Variants in BPTF observed in about 807,000 individuals in gnomAD.
The protein encoded by BPTF is nucleosome-remodeling factor subunit BPTF.
Under a neutral mutation model 292.5 loss-of-function variants are expected in BPTF, and 18 were observed. The ratio of observed to expected loss-of-function variants is 0.06; its 90% CI spans 0.04 to 0.09. The LOEUF (loss-of-function observed/expected upper bound fraction) is 0.09, where lower values mean the gene tolerates loss of function less well. Among genes scored for constraint, BPTF ranks in the 10% least tolerant of loss-of-function variants. The pLI, the probability that BPTF is intolerant of heterozygous loss-of-function variation, is 1.00. For synonymous variants in BPTF, 1,225 were observed against 1,251.9 expected (o/e 0.98, Z 0.45); for missense variants, 2,726 against 3,498.7 (o/e 0.78, Z 5.57).
At position 67,893,357 on chromosome 17, in the gene BPTF, T is replaced by C. The variant is rs777328873; in HGVS notation, c.2056-13T>C. 1.8e-5 allele frequency: 27 copies of C among 1,533,604 alleles called. No individual in the cohort carries two copies. In the South Asian group the frequency reaches 2.7e-4, roughly 15 times the overall value. 95.0% of individuals were successfully genotyped at this position (1,533,604 alleles called of 1,614,324 possible). On this transcript the variant is annotated splice_polypyrimidine_tract_variant and intron_variant, in intron 5 of 27. Transcript: ENST00000306378. ...TGACATAAATAATGCAGTCTTTTTA[T>C]TTTTTTGGTCAGGTACTGGTAGTTA...
At chr17:67,904,070 C>A in intron 8 of BPTF, 152 bp downstream of exon 8, 1 of 771,288 alleles carries the variant, frequency 1.3e-6, no homozygotes, top group Non-Finnish European at 1.9e-6. Context: ...GCTCTGTTGC[C>A]CAGATTGGAG....
intron 1 of BPTF, among the ~76,000 whole-genome samples, chr17:67,850,677 G>GT (rs1160341155): frequency 6.6e-6 from 1 of 151,994 alleles, no homozygotes; most frequent in Non-Finnish European, 1.5e-5. Flanking sequence ...CTGTGTTTTT[G>GT]TTTTTAAGAT....
At chr17:67,860,625 G>A (rs983191568) in intron 2 of BPTF, among the ~76,000 whole-genome samples, 14 of 152,158 alleles carry the variant, frequency 9.2e-5, no homozygotes, top group Non-Finnish European at 5.9e-5. Context: ...TCAATCCTTT[G>A]CTCTGAAATT....
chr17:67,934,166 G>C (rs999760356), intron 18 of BPTF, among the ~76,000 whole-genome samples: 1 of 152,134 alleles, frequency 6.6e-6, no homozygotes, highest in Admixed American at 6.5e-5. Flanking sequence ...ATTCTTTATA[G>C]TAAAGCTAGA....
chr17:67,913,181 C>G lies in BPTF; in HGVS notation c.5297C>G (p.Thr1766Ser), dbSNP rs748796958. 6.3e-7 allele frequency: 1 copy of G among 1,592,696 alleles called. No homozygotes were observed. Among genetic ancestry groups the G allele is most frequent in the Non-Finnish European group, 8.5e-7 (1 of 1,172,362 alleles). The change falls in exon 11 of 28, where the codon ACT (threonine) becomes AGT (serine). Residue 1766 changes from threonine to serine, a missense_variant. Thr to Ser is a moderately conservative substitution (Grantham distance 58, BLOSUM62 1). Coordinates refer to ENST00000306378, the MANE Select transcript of BPTF (RefSeq NM_182641.4). ...YPSPRPTFGITWRYRLQTVKS... is the reference protein window; with the variant it reads ...YPSPRPTFGISWRYRLQTVKS... ...TCTCCTAGACCGACCTTTGGCATCA[C>G]TTGGAGGTATGTACTTTAAAATGTA...
chr17:67,853,972 T>C lies in BPTF; in HGVS notation c.646T>C (p.Ser216Pro), dbSNP rs1567904724. The C allele has an allele frequency of 6.2e-7, 1 of 1,613,346 alleles. No individual in the cohort carries two copies. The highest frequency in any genetic ancestry group is 8.5e-7 in the Non-Finnish European group (1 of 1,179,276). Reference protein sequence around the residue: ...RRKPRVHRPRSPILEEKDIPP... With the variant: ...RRKPRVHRPRPPILEEKDIPP... Reference sequence around the variant, plus strand: ...AAAACCAAGAGTACATCGGCCTCGTTCTCCTATATTGGAAGAAAAAGACAT... The same window carrying C: ...AAAACCAAGAGTACATCGGCCTCGTCCTCCTATATTGGAAGAAAAAGACAT... The change falls in exon 2 of 28, where the codon TCT becomes CCT. Residue 216 changes from serine to proline, a missense_variant. Physicochemically the swap from Ser to Pro is moderately conservative, Grantham distance 74. Coordinates refer to ENST00000306378, the MANE Select transcript of BPTF (RefSeq NM_182641.4).
chr17:67,915,215 C>G (rs1017272835), intron 11 of BPTF, among the ~76,000 whole-genome samples: 1 of 152,140 alleles, frequency 6.6e-6, no homozygotes, highest in Non-Finnish European at 1.5e-5. Flanking sequence ...CATCCATTCC[C>G]TTATGCCCAT....
intron 4 of BPTF, among the ~76,000 whole-genome samples, chr17:67,880,509 ATAG>A (rs1475035272): frequency 1.3e-5 from 2 of 152,204 alleles, no homozygotes; most frequent in African/African-American, 4.8e-5. Flanking sequence ...ACAAACTGTA[ATAG>A]GTCATGTTCC....
At chr17:67,896,178 G>A (rs1036779609) in intron 7 of BPTF, among the ~76,000 whole-genome samples, 1 of 152,130 alleles carries the variant, frequency 6.6e-6, no homozygotes, top group African/African-American at 2.4e-5. Flanking sequence ...TAGCCAGGAT[G>A]GTCTCCATCT....
chr17:67,918,366 A>G (rs1421221155), intron 11 of BPTF, among the ~76,000 whole-genome samples: 1 of 152,186 alleles, frequency 6.6e-6, no homozygotes, highest in Non-Finnish European at 1.5e-5. Context: ...GGTCCCCAAA[A>G]TTTTCCTAAC....
Position 67,877,508 on chromosome 17 carries a change from G to A in BPTF, c.1864+2488G>A, listed in dbSNP as rs548778676. Among the ~76,000 whole-genome samples the A allele has an allele frequency of 6.7e-4, 102 of 152,214 alleles. 1 individual carries two copies. The highest frequency in any genetic ancestry group is 2.4e-3 in the African/African-American group (98 of 41,522). Reference sequence around the variant, plus strand: ...GCCGTGATAGAAGACATCTTACTTGGTTTTCTTTTCTAAACTTTCAGAATG... The same window carrying A: ...GCCGTGATAGAAGACATCTTACTTGATTTTCTTTTCTAAACTTTCAGAATG... On this transcript the variant is annotated intron_variant, in intron 4 of 27. Coordinates refer to ENST00000306378, the MANE Select transcript of BPTF (RefSeq NM_182641.4).
chr17:67,879,615 C>G (rs917830521), intron 4 of BPTF, among the ~76,000 whole-genome samples: 2 of 152,070 alleles, frequency 1.3e-5, no homozygotes, highest in African/African-American at 4.8e-5. Flanking sequence ...AAAGAGATTT[C>G]TTTGGCTATG....
intron 2 of BPTF, among the ~76,000 whole-genome samples, chr17:67,861,732 A>C (rs1178349526): frequency 6.6e-6 from 1 of 152,218 alleles, no homozygotes; most frequent in Non-Finnish European, 1.5e-5. Flanking sequence ...CAGATTCTTT[A>C]GCACAGATCC....
chr17:67,881,378 G>A (rs1319668330), intron 4 of BPTF, among the ~76,000 whole-genome samples: 1 of 151,952 alleles, frequency 6.6e-6, no homozygotes, highest in Non-Finnish European at 1.5e-5. Flanking sequence ...AAGGCTCATG[G>A]TATATGGTTT....
intron 14 of BPTF, among the ~76,000 whole-genome samples, chr17:67,923,998 C>T (rs1361816662): frequency 2.0e-4 from 30 of 151,576 alleles, no homozygotes; most frequent in African/African-American, 5.8e-4. Flanking sequence ...TGTGCCACCA[C>T]GCCTGGCTGT....
In BPTF at chr17:67,901,344, C is replaced by T. The variant is rs548211439; in HGVS notation, c.2544-2445C>T. 6.8e-5 allele frequency among the ~76,000 whole-genome samples: 10 copies of T among 148,046 alleles called. No individual in the cohort carries two copies. In the South Asian group the frequency reaches 1.1e-3, roughly 16 times the overall value. ...CCAGAACCCTAAAAACAAAAGAAAA[C>T]GTCAATAAGAAAGCATGAATTAATT... On this transcript the variant is annotated intron_variant, in intron 7 of 27. Transcript: ENST00000306378.
chr17:67,919,683 T>C (rs1030677279), intron 12 of BPTF, among the ~76,000 whole-genome samples: 2 of 152,250 alleles, frequency 1.3e-5, no homozygotes, highest in Admixed American at 1.3e-4. Flanking sequence ...ATATTTATGA[T>C]TGTTTAATTA....
In BPTF at chr17:67,844,820, C is replaced by T. The variant is rs576981890; in HGVS notation, c.614-9120C>T. ...GTGCAATGGCATGATCTCGGCTCAC[C>T]GCAACCTCTGCCTCCCAGGTTCAAG... On this transcript the variant is annotated intron_variant, in intron 1 of 27. Coordinates refer to ENST00000306378, the MANE Select transcript of BPTF (RefSeq NM_182641.4). 2.6e-5 allele frequency among the ~76,000 whole-genome samples: 4 copies of T among 151,816 alleles called. No homozygotes were observed. In the East Asian group the frequency reaches 7.8e-4, roughly 30 times the overall value.
In BPTF at chr17:67,874,993, G is replaced by C. The variant is rs755780851; in HGVS notation, c.1837G>C (p.Asp613His). 6.8e-6 allele frequency: 11 copies of C among 1,613,282 alleles called. No homozygotes were observed. In the South Asian group the frequency reaches 9.9e-5, roughly 15 times the overall value. The change falls in exon 4 of 28, where the codon GAT becomes CAT. Residue 613 changes from aspartate (D) to histidine (H), a missense_variant. Asp to His is a moderately conservative substitution (Grantham distance 81). Around this residue, in one of 22 missense-constraint regions of BPTF, gnomAD observed 187 missense variants for 201.5 expected, o/e 0.93. Transcript: ENST00000306378. ...AGACAGTGACGACAAAACACCAGAT[G>C]ATGACCCTGAGCAAGGAAAATCTGA... The part of the protein sequence containing the change: ...EKDSDDKTPD[D>H]DPEQGKSEVG...
Sources: gnomAD v4.1 joint callset for allele counts (sites outside exome capture counted in the v4.1 genomes callset) on GRCh38, gnomAD v4.1.1 for gene constraint, gnomAD v4.1.1 regional missense constraint, MANE v1.5 for transcripts, NCBI Gene and HGNC (gene_info 2026-07-23, HGNC 2026-07-21) for gene names.